Variants in ATP10A observed in about 807,000 individuals in gnomAD.
ATP10A encodes the protein phospholipid-transporting ATPase VA.
Under a neutral mutation model 147.8 loss-of-function variants are expected in ATP10A, and 111 were observed. The ratio of observed to expected loss-of-function variants is 0.75; its 90% CI spans 0.64 to 0.88. The LOEUF is 0.88. ATP10A is among the 40% of genes least tolerant of loss of function. ATP10A has a pLI of 0.00. For synonymous variants in ATP10A, 875 were observed against 841.6 expected (o/e 1.04, Z -0.69); for missense variants, 1,927 against 1,959.0 (o/e 0.98, Z 0.31).
Position 25,749,060 on chromosome 15 carries a change from CAAA to C in ATP10A, c.655-12922_655-12920del, listed in dbSNP as rs1171259548. ...CCTGGGCAACAGAGTGAGACTCTGT[CAAA>C]AAAAAAAAAAAAAAAAAAAAGAATT... is the stretch of plus-strand genomic sequence containing the variant. On this transcript the variant is annotated intron_variant, in intron 2 of 20. Coordinates refer to ENST00000555815, the MANE Select transcript of ATP10A (RefSeq NM_024490.4). Among the ~76,000 whole-genome samples the C allele has an allele frequency of 5.7e-3, 387 of 67,464 alleles. 2 individuals are homozygous for C. Among genetic ancestry groups the C allele is most frequent in the African/African-American group, 0.021 (360 of 16,890 alleles). 44.3% of individuals were successfully genotyped at this position (67,464 alleles called of 152,430 possible).
chr15:25,749,806 C>G (rs1224440014), intron 2 of ATP10A, among the ~76,000 whole-genome samples: 2 of 152,076 alleles, frequency 1.3e-5, no homozygotes, highest in Non-Finnish European at 2.9e-5. Context: ...AATTGAACTT[C>G]TAGAGATGAA....
chr15:25,707,505 AT>A (rs1472315001), intron 12 of ATP10A, among the ~76,000 whole-genome samples: 1 of 152,222 alleles, frequency 6.6e-6, no homozygotes, highest in Non-Finnish European at 1.5e-5. Context: ...ACTAGTTAGC[AT>A]TTATTAAGTA....
At chr15:25,691,885 C>G in intron 14 of ATP10A, 94 bp from the exon 15 acceptor site, 1 of 1,487,410 alleles carries the variant, frequency 6.7e-7, no homozygotes, top group Non-Finnish European at 9.4e-7. Context: ...CCCCGCTGAA[C>G]TCAGTCCTGT....
intron 2 of ATP10A, among the ~76,000 whole-genome samples, chr15:25,766,390 T>C (rs2140646517): frequency 6.6e-6 from 1 of 152,266 alleles, no homozygotes; most frequent in East Asian, 1.9e-4. Context: ...TCACTCTCCA[T>C]GCCATGCTGT....
chr15:25,837,157 T>C (rs1227054922), intron 1 of ATP10A, among the ~76,000 whole-genome samples: 1 of 152,172 alleles, frequency 6.6e-6, no homozygotes, highest in Non-Finnish European at 1.5e-5. Flanking sequence ...GTAACTACCA[T>C]ATTAGCTTCA....
intron 1 of ATP10A, among the ~76,000 whole-genome samples, chr15:25,781,650 G>A (rs1422979195): frequency 1.3e-5 from 2 of 149,788 alleles, no homozygotes; most frequent in African/African-American, 2.5e-5. Flanking sequence ...GTGATATTCC[G>A]TCTCAAAAAA....
chr15:25,676,654 T>G (rs932740672), downstream of ATP10A, among the ~76,000 whole-genome samples: 1 of 152,228 alleles, frequency 6.6e-6, no homozygotes, highest in Non-Finnish European at 1.5e-5. Context: ...GCGATTCTCA[T>G]GTCCTGAGAA....
chr15:25,777,965 A>T (rs2140692515), intron 2 of ATP10A, among the ~76,000 whole-genome samples: 1 of 152,012 alleles, frequency 6.6e-6, no homozygotes, highest in Middle Eastern at 3.4e-3. Context: ...TTTTAAAGAT[A>T]ACAGCTTTAT....
At chr15:25,748,939 T>A (rs1023138005) in intron 2 of ATP10A, among the ~76,000 whole-genome samples, 2 of 150,830 alleles carry the variant, frequency 1.3e-5, no homozygotes, top group African/African-American at 4.9e-5. Context: ...GGTGTGTGCC[T>A]GTAATCCCAG....
At position 25,691,736 on chromosome 15, in the gene ATP10A, G is replaced by A. The variant is rs921777321; in HGVS notation, c.3144C>T (p.Ile1048=). Residue 1048 remains isoleucine (I), a synonymous_variant, in exon 15 of 21, where the codon ATC becomes ATT. Transcript: ENST00000555815. ...MIQVADVGVG[I]SGQEGMQAVM... Reference sequence around the variant, plus strand: ...TTACCTGCATACCCTCCTGGCCGGAGATTCCCACACCCACATCTGCCACCT... The same window carrying A: ...TTACCTGCATACCCTCCTGGCCGGAAATTCCCACACCCACATCTGCCACCT... 1 of 1,614,190 alleles carries A rather than the reference G, an allele frequency of 6.2e-7. No individual in the cohort carries two copies. The highest frequency in any genetic ancestry group is 8.5e-7 in the Non-Finnish European group (1 of 1,180,040).
At chr15:25,862,625 G>T (rs560602146) in intron 1 of ATP10A, 23 bp downstream of exon 1, 5 of 1,530,240 alleles carry the variant, frequency 3.3e-6, no homozygotes, top group Non-Finnish European at 3.5e-6. Flanking sequence ...CCGCGCGCTC[G>T]CTCGCCCGCC....
intron 1 of ATP10A, among the ~76,000 whole-genome samples, chr15:25,815,556 T>C (rs187401205): frequency 5.4e-4 from 5 of 9,208 alleles, no homozygotes; most frequent in Admixed American, 4.7e-3. Context: ...TTTTAGCAGA[T>C]GTTCTGCAAG....
downstream of ATP10A, among the ~76,000 whole-genome samples, chr15:25,675,860 C>G (rs1404614667): frequency 3.3e-5 from 5 of 151,992 alleles, no homozygotes; most frequent in African/African-American, 9.7e-5. Context: ...GCAGGAGGAC[C>G]CTGTGGGCCC....
chr15:25,840,361 G>C (rs1892761223), intron 1 of ATP10A, among the ~76,000 whole-genome samples: 1 of 151,978 alleles, frequency 6.6e-6, no homozygotes, highest in Non-Finnish European at 1.5e-5. Context: ...TCCACCCTCA[G>C]GTAGACTCCA....
chr15:25,761,354 A>G (rs1267673818), intron 2 of ATP10A, among the ~76,000 whole-genome samples: 1 of 152,214 alleles, frequency 6.6e-6, no homozygotes, highest in Non-Finnish European at 1.5e-5. Context: ...AAGGAAAGAG[A>G]GTTAATTGAC....
Position 25,716,821 on chromosome 15 carries a change from G to C in ATP10A, c.1685C>G (p.Ser562Trp), listed in dbSNP as rs142270497. 1 of 1,611,286 alleles carries C rather than the reference G, an allele frequency of 6.2e-7. No homozygotes were observed. Among genetic ancestry groups the C allele is most frequent in the Non-Finnish European group, 8.5e-7 (1 of 1,178,838 alleles). Residue 562 changes from serine (S) to tryptophan (W), a missense_variant, in exon 9 of 21, where the codon TCG (serine) becomes TGG (tryptophan). Transcript: ENST00000555815. ...RHQEHLLAHL[S>W]PELSDVFDFF... ...ATCAAAGACGTCAGACAGCTCAGGC[G>C]AGAGGTGGGCCAGCAGGTGCTCCTG... is the stretch of plus-strand genomic sequence containing the variant.
chr15:25,813,504 G>T (rs1430971502), intron 1 of ATP10A, among the ~76,000 whole-genome samples: 2 of 152,170 alleles, frequency 1.3e-5, no homozygotes, highest in Non-Finnish European at 2.9e-5. Flanking sequence ...GTGAAAAAAA[G>T]CAGGCATGCA....
intron 2 of ATP10A, among the ~76,000 whole-genome samples, chr15:25,777,096 C>CGTGT (rs34174555): frequency 0.21 from 31,424 of 149,676 alleles, 3,650 homozygotes; most frequent in South Asian, 0.34. Flanking sequence ...TGCATACGTG[C>CGTGT]GTGTGTGTGT....
intron 2 of ATP10A, among the ~76,000 whole-genome samples, chr15:25,742,816 A>T (rs557919966): frequency 6.6e-6 from 1 of 152,280 alleles, no homozygotes; most frequent in Admixed American, 6.5e-5. Context: ...TCTTGAACGT[A>T]TTTGTACTTA....
Sources: gnomAD v4.1 joint callset for allele counts (sites outside exome capture counted in the v4.1 genomes callset) on GRCh38, gnomAD v4.1.1 for gene constraint, MANE v1.5 for transcripts, NCBI Gene and HGNC (gene_info 2026-07-23, HGNC 2026-07-21) for gene names.